The following PDCD1LG2 variants were observed in gnomAD, a reference collection of about 807,000 sequenced individuals.
PDCD1LG2 encodes B7 dendritic cell molecule.
In PDCD1LG2, 32 loss-of-function variants were observed where a neutral mutation model predicts 28.2. The ratio of observed to expected loss-of-function variants is 1.13; its 90% CI spans 0.86 to 1.52. The LOEUF (loss-of-function observed/expected upper bound fraction) is 1.52. Among genes scored for constraint, PDCD1LG2 ranks in the 40% most tolerant of loss-of-function variants. The pLI is 0.00. For missense variants in PDCD1LG2, 385 were observed against 323.8 expected (o/e 1.19, Z -1.45); for synonymous variants, 116 against 120.2 (o/e 0.97, Z 0.23).
intron 2 of PDCD1LG2, among the ~76,000 whole-genome samples, chr9:5,525,339 C>G (rs1221038024): frequency 1.6e-5 from 2 of 122,644 alleles, no homozygotes; most frequent in Non-Finnish European, 3.2e-5. Flanking sequence ...AGTGAGATTC[C>G]ATTTAAAAAA....
intron 4 of PDCD1LG2, among the ~76,000 whole-genome samples, chr9:5,552,849 C>G (rs1248435366): frequency 1.3e-5 from 2 of 152,188 alleles, no homozygotes; most frequent in East Asian, 3.9e-4. Context: ...CCACAATTTA[C>G]TACCCAATGC....
intron 6 of PDCD1LG2, among the ~76,000 whole-genome samples, chr9:5,566,306 G>A (rs74323980): frequency 5.9e-5 from 9 of 152,352 alleles, no homozygotes; most frequent in African/African-American, 2.2e-4. Flanking sequence ...AGCAAGACCT[G>A]ACTTGTGAAA....
At chr9:5,541,260 T>C (rs1820681209) in intron 3 of PDCD1LG2, among the ~76,000 whole-genome samples, 1 of 152,208 alleles carries the variant, frequency 6.6e-6, no homozygotes, top group African/African-American at 2.4e-5. Context: ...AACATTATGC[T>C]GAATGGGGAA....
intron 4 of PDCD1LG2, among the ~76,000 whole-genome samples, chr9:5,550,973 G>T (rs144063811): frequency 6.6e-6 from 1 of 152,106 alleles, no homozygotes; most frequent in Non-Finnish European, 1.5e-5. Context: ...GATTACAGGC[G>T]TGAGCCATCA....
intron 5 of PDCD1LG2, 47 bp from the exon 6 acceptor site, chr9:5,563,115 A>G: frequency 2.8e-6 from 4 of 1,425,108 alleles, no homozygotes; most frequent in Non-Finnish European, 3.9e-6. Flanking sequence ...TAAGCCAAAC[A>G]GTTTTCTCAT....
At chr9:5,563,237 C>T (rs1816601454) in intron 6 of PDCD1LG2, 26 bp downstream of exon 6, 2 of 1,574,198 alleles carry the variant, frequency 1.3e-6, no homozygotes, top group African/African-American at 2.7e-5. Flanking sequence ...TTTTACTTTT[C>T]TTTCTTACTT....
chr9:5,534,618 G>A (rs1008953249), intron 2 of PDCD1LG2, 127 bp from the exon 3 acceptor site: 88 of 775,764 alleles, frequency 1.1e-4, no homozygotes, highest in Non-Finnish European at 1.6e-4. Flanking sequence ...GATTCGCCAC[G>A]GGAATGTCCA....
rs1816324936 is a variant in PDCD1LG2 at position 5,551,202 on chromosome 9, A to G, written c.631+1598A>G. ...TTTGGGGAGAGCCATAATTTTATTT[A>G]TCCTACTGAGAAGGGATATACTCTC... is the stretch of plus-strand genomic sequence containing the variant. On this transcript the variant is annotated intron_variant, in intron 4 of 6. Coordinates refer to ENST00000397747, the MANE Select transcript of PDCD1LG2 (RefSeq NM_025239.4). 2.0e-5 allele frequency among the ~76,000 whole-genome samples: 3 copies of G among 152,186 alleles called. 1 individual carries two copies. Among genetic ancestry groups the G allele is most frequent in the African/African-American group, 7.2e-5 (3 of 41,438 alleles).
Position 5,536,315 on chromosome 9 carries a change from A to G in PDCD1LG2, c.361+1265A>G, listed in dbSNP as rs565421279. On this transcript the variant is annotated intron_variant, in intron 3 of 6. Transcript: ENST00000397747. ...AACTGAGCATGGTACCCGGCATATA[A>G]TAAGTGTCCAGAGACTTGGTTAAAA... Among the ~76,000 whole-genome samples the G allele has an allele frequency of 4.6e-5, 7 of 152,338 alleles. 1 individual carries two copies. In the South Asian group the frequency reaches 1.2e-3, roughly 27 times the overall value.
At chr9:5,555,202 G>C (rs1816413046) in intron 4 of PDCD1LG2, among the ~76,000 whole-genome samples, 1 of 152,080 alleles carries the variant, frequency 6.6e-6, no homozygotes, top group Non-Finnish European at 1.5e-5. Flanking sequence ...ATTGCTTGAG[G>C]CCAGGAGTTC....
Position 5,549,584 on chromosome 9 carries a change from T to A in PDCD1LG2, c.611T>A (p.Leu204Ter). 1.2e-6 allele frequency: 2 copies of A among 1,614,226 alleles called. No homozygotes were observed. Among genetic ancestry groups the A allele is most frequent in the Non-Finnish European group, 1.7e-6 (2 of 1,180,036 alleles). The change falls in exon 4 of 7, where the codon TTG becomes TAG. Residue 204 changes from leucine to a stop codon, truncating the protein, a stop_gained. Coordinates refer to ENST00000397747, the MANE Select transcript of PDCD1LG2 (RefSeq NM_025239.4). LOFTEE classifies it high-confidence loss of function. The stretch of plus-strand genomic sequence containing the variant: ...AATACTCACGTGAGGGAACTTACTT[T>A]GGCCAGCATTGACCTTCAAAGTAAG... ...FWNTHVRELT[L>*]ASIDLQSQME... is the part of the protein sequence containing the mutation.
At position 5,510,706 on chromosome 9, in the gene PDCD1LG2, A is replaced by C. The variant is rs1468911111; in HGVS notation, c.-112A>C. ...GTTTTGTTTTTCCTTTTGGCTGTTC[A>C]TTTTGGTGGCTACTATAAGGAAATC... On this transcript the variant is annotated 5_prime_UTR_variant, in exon 1 of 7. Transcript: ENST00000397747. The C allele has an allele frequency of 6.6e-6, 1 of 152,584 alleles. No homozygotes were observed. The highest frequency in any genetic ancestry group is 2.4e-5 in the African/African-American group (1 of 41,424). The allele number at this position is 152,584 out of a possible 1,614,324, so 9.5% of individuals were successfully genotyped here. A position where few individuals can be genotyped will look rare whatever the true frequency, so the allele number is the denominator to read the frequency against.
In PDCD1LG2 at chr9:5,536,344, C is replaced by G. The variant is rs143833097; in HGVS notation, c.361+1294C>G. On this transcript the variant is annotated intron_variant, in intron 3 of 6. Transcript: ENST00000397747. ...GTGTCCAGAGACTTGGTTAAAAGAC[C>G]CTCAGTTGTTACAGGGGCAGTGACC... is the stretch of plus-strand genomic sequence containing the variant. 1.3e-3 allele frequency among the ~76,000 whole-genome samples: 201 copies of G among 152,146 alleles called. 1 individual carries two copies. Among genetic ancestry groups the G allele is most frequent in the Non-Finnish European group, 2.6e-3 (177 of 68,004 alleles).
chr9:5,553,383 A>T (rs1302982802), intron 4 of PDCD1LG2, among the ~76,000 whole-genome samples: 1 of 152,170 alleles, frequency 6.6e-6, no homozygotes, highest in Non-Finnish European at 1.5e-5. Context: ...TTCCCCTGGA[A>T]TTGTTTATTC....
In PDCD1LG2 at chr9:5,527,606, A is replaced by G. The variant is rs1440310146; in HGVS notation, c.55+5005A>G. ...ATTTTGGGTGATTACAAATAAAGTT[A>G]TTATAAATATTTGCATATAGGTTTT... On this transcript the variant is annotated intron_variant, in intron 2 of 6. Transcript: ENST00000397747. Among the ~76,000 whole-genome samples, 6 of 152,238 alleles carry G rather than the reference A, an allele frequency of 3.9e-5. 1 individual carries two copies. The South Asian group carries it at 1.0e-3, about 26-fold the overall frequency.
intron 3 of PDCD1LG2, among the ~76,000 whole-genome samples, chr9:5,540,832 A>G (rs1820673502): frequency 6.6e-6 from 1 of 152,194 alleles, no homozygotes; most frequent in South Asian, 2.1e-4. Context: ...CATGGGATAG[A>G]GAAAGAGGGA....
intron 5 of PDCD1LG2, 38 bp downstream of exon 5, chr9:5,557,790 G>C (rs1318036645): frequency 6.2e-7 from 1 of 1,610,872 alleles, no homozygotes; most frequent in South Asian, 1.1e-5. Context: ...AATGCACTGG[G>C]TGTCTGCAGC....
At chr9:5,563,021 G>C (rs1295476611) in intron 5 of PDCD1LG2, 141 bp from the exon 6 acceptor site, 3 of 691,126 alleles carry the variant, frequency 4.3e-6, no homozygotes, top group Middle Eastern at 3.6e-4. Context: ...ATTACCATCC[G>C]AAGTCCCAGG....
chr9:5,514,861 G>C (rs1349957222), intron 1 of PDCD1LG2, among the ~76,000 whole-genome samples: 1 of 152,006 alleles, frequency 6.6e-6, no homozygotes, highest in Non-Finnish European at 1.5e-5. Flanking sequence ...ATCCTGAGAG[G>C]CGCAATCGTT....
Sources: gnomAD v4.1 joint callset for allele counts (sites outside exome capture counted in the v4.1 genomes callset) on GRCh38, gnomAD v4.1.1 for gene constraint, MANE v1.5 for transcripts, NCBI Gene and HGNC (gene_info 2026-07-23, HGNC 2026-07-21) for gene names.